ACSM3: variants seen among roughly 807,000 people sequenced by gnomAD.
ACSM3 encodes the protein acyl-coenzyme A synthetase ACSM3, mitochondrial.
Under a neutral mutation model 74.1 loss-of-function variants are expected in ACSM3, and 61 were observed. The ratio of observed to expected loss-of-function variants is 0.82; its 90% CI spans 0.67 to 1.02. The LOEUF (loss-of-function observed/expected upper bound fraction) is 1.02. Ranked by LOEUF, ACSM3 falls within the 50% of genes least tolerant of loss-of-function variation. The pLI, the probability that ACSM3 is intolerant of heterozygous loss-of-function variation, is 0.00. For synonymous variants in ACSM3, 213 were observed against 241.5 expected, an observed-to-expected ratio of 0.88 and a Z score of 1.09; for missense variants, 660 against 697.0, an observed-to-expected ratio of 0.95 and a Z score of 0.60.
chr16:20,750,533 AG>A (rs2079981582), intron 2 of ACSM3, among the ~76,000 whole-genome samples: 1 of 152,186 alleles, frequency 6.6e-6, no homozygotes, highest in South Asian at 2.1e-4. Flanking sequence ...ACTCAGGCTT[AG>A]GGGAGAGCGG....
intron 12 of ACSM3, among the ~76,000 whole-genome samples, chr16:20,795,556 T>C (rs2080704591): frequency 6.6e-6 from 1 of 152,250 alleles, no homozygotes; most frequent in Non-Finnish European, 1.5e-5. Context: ...AAACGAATCC[T>C]TGAATTTAAT....
intron 1 of ACSM3, among the ~76,000 whole-genome samples, chr16:20,685,689 G>C (rs576355080): frequency 6.6e-6 from 1 of 151,822 alleles, no homozygotes; most frequent in Non-Finnish European, 1.5e-5. Context: ...GCATGGTGGT[G>C]CATGCCTGTA....
At chr16:20,777,101 CCTT>C (rs1457794927) in intron 3 of ACSM3, among the ~76,000 whole-genome samples, 1 of 152,136 alleles carries the variant, frequency 6.6e-6, no homozygotes, top group African/African-American at 2.4e-5. Flanking sequence ...TCAATCAAAA[CCTT>C]CTTCAAGCTC....
intron 10 of ACSM3, among the ~76,000 whole-genome samples, chr16:20,791,240 TTA>T (rs2080590207): frequency 6.6e-6 from 1 of 152,228 alleles, no homozygotes; most frequent in Non-Finnish European, 1.5e-5. Context: ...TTGTTTTTTC[TTA>T]TGTCAGACTT....
At chr16:20,727,256 T>C (rs578142802) in intron 1 of ACSM3, 2 of 473,672 alleles carry the variant, frequency 4.2e-6, no homozygotes, top group East Asian at 6.0e-5. Context: ...CTAGCTTCTA[T>C]GCTTGCTGCT....
chr16:20,705,760 GA>G (rs1401625086), intron 1 of ACSM3, among the ~76,000 whole-genome samples: 1 of 152,016 alleles, frequency 6.6e-6, no homozygotes, highest in African/African-American at 2.4e-5. Flanking sequence ...CATCAATGAA[GA>G]AAACTAAAGA....
rs140408301 is a variant in ACSM3 at position 20,718,151 on chromosome 16, T to C, written c.-189-31759T>C. The stretch of plus-strand genomic sequence containing the variant: ...AGAAAAGGAGAAGGAGAAGGAGAAC[T>C]GTAAAATTTTAGCAGAGACTGATCT... On this transcript the variant is annotated intron_variant, in intron 1 of 3. Coordinates refer to the ACSM3 transcript ENST00000561584. Among the ~76,000 whole-genome samples the C allele has an allele frequency of 1.3e-3, 204 of 152,208 alleles. 1 individual carries two copies. Among genetic ancestry groups the C allele is most frequent in the African/African-American group, 4.7e-3 (196 of 41,548 alleles).
chr16:20,734,497 C>T (rs1195139217), intron 1 of ACSM3: 1 of 152,080 alleles, frequency 6.6e-6, no homozygotes, highest in African/African-American at 2.4e-5. Context: ...GAACCACCAG[C>T]TAGGAGGATA....
chr16:20,781,563 C>T (rs540385509), intron 6 of ACSM3, 145 bp from the exon 7 acceptor site: 1 of 721,618 alleles, frequency 1.4e-6, no homozygotes, highest in South Asian at 1.6e-5. Flanking sequence ...ATCCTGCAGA[C>T]ACTGAGGGAT....
intron 1 of ACSM3, chr16:20,738,618 T>C (rs1445579052): frequency 5.2e-6 from 2 of 388,046 alleles, no homozygotes; most frequent in South Asian, 4.2e-5. Flanking sequence ...TGGAGCTGAG[T>C]AGCAGCTGCC....
At chr16:20,795,489 C>G (rs1036127149) in intron 12 of ACSM3, among the ~76,000 whole-genome samples, 11 of 152,202 alleles carry the variant, frequency 7.2e-5, no homozygotes, top group African/African-American at 2.4e-4. Context: ...TCAATGAAAT[C>G]TTTACTCCCA....
Position 20,741,996 on chromosome 16 carries a change from A to G in ACSM3, c.-189-7914A>G, listed in dbSNP as rs1179061332. On this transcript the variant is annotated intron_variant, in intron 1 of 3. Coordinates refer to the ACSM3 transcript ENST00000561584. The stretch of plus-strand genomic sequence containing the variant: ...ATCCAGTAGAGGCAGCATAGCAGCC[A>G]TTCTGGAAGTGGTGTCGGTGGCTCC... The G allele has an allele frequency of 5.3e-6, 8 of 1,502,100 alleles. No individual in the cohort carries two copies. In the Admixed American group the frequency reaches 8.1e-5, roughly 15 times the overall value. 93.0% of individuals were successfully genotyped at this position (1,502,100 alleles called of 1,614,324 possible).
chr16:20,781,856 C>G, intron 7 of ACSM3, 69 bp downstream of exon 7: 1 of 1,241,782 alleles, frequency 8.1e-7, no homozygotes, highest in Non-Finnish European at 1.2e-6. Flanking sequence ...AATAAAAGAT[C>G]TTTCTGCCTG....
rs765370178 is a variant in ACSM3, at chr16:20,786,117, C to T, written c.1183C>T (p.Pro395Ser). 1.9e-6 allele frequency: 3 copies of T among 1,603,232 alleles called. No individual in the cohort carries two copies. Among genetic ancestry groups the T allele is most frequent in the Admixed American group, 3.5e-5 (2 of 57,658 alleles). ...AAATTTTAAGGGAATGAAAATTAAACCTGGCTCAATGGGAAAACCTTCTCC... is the reference window on the plus strand; with the variant it reads ...AAATTTTAAGGGAATGAAAATTAAATCTGGCTCAATGGGAAAACCTTCTCC... Reference protein sequence around the residue: ...CGNFKGMKIKPGSMGKPSPAF... With the variant: ...CGNFKGMKIKSGSMGKPSPAF... Residue 395 changes from proline to serine, a missense_variant, in exon 9 of 14, where the codon CCT becomes TCT. Transcript: ENST00000289416.
At chr16:20,789,588 A>C in intron 9 of ACSM3, 1 of 1,468,612 alleles carries the variant, frequency 6.8e-7, no homozygotes, top group Non-Finnish European at 9.5e-7. Flanking sequence ...AGTAATGAAG[A>C]TATTTATTTA....
intron 4 of ACSM3, among the ~76,000 whole-genome samples, chr16:20,779,600 ATAGAAGTCTGAT>A (rs1204067025): frequency 2.0e-5 from 3 of 152,042 alleles, no homozygotes; most frequent in African/African-American, 7.2e-5. Flanking sequence ...TGTGACTTGT[ATAGAAGTCTGAT>A]TATCCTTTGG....
At chr16:20,701,632 G>A (rs546073015) in intron 1 of ACSM3, among the ~76,000 whole-genome samples, 32 of 152,192 alleles carry the variant, frequency 2.1e-4, no homozygotes, top group South Asian at 1.5e-3. Flanking sequence ...CTATCAATCC[G>A]TCATCTAGGT....
chr16:20,682,330 G>A (rs575305554), intron 1 of ACSM3: 199 of 1,613,894 alleles, frequency 1.2e-4, no homozygotes, highest in Admixed American at 2.7e-4. Flanking sequence ...TCAGAGAGGG[G>A]CACTGAGAAG....
chr16:20,754,864 TC>T lies in ACSM3; in HGVS notation c.-95-708del, dbSNP rs1174809112. 3.9e-5 allele frequency among the ~76,000 whole-genome samples: 6 copies of T among 152,250 alleles called. No individual in the cohort carries two copies. In the East Asian group the frequency reaches 1.2e-3, roughly 29 times the overall value. ...GGTGGAGGGAGAGCAGTACAAAGAA[TC>T]TGAATGGCACAGAGAATCCAAGCTG... On this transcript the variant is annotated intron_variant, in intron 2 of 3. Transcript: ENST00000561584.
Sources: allele counts gnomAD v4.1 joint callset (sites outside exome capture counted in the v4.1 genomes callset), GRCh38; gene constraint gnomAD v4.1.1; transcripts MANE v1.5; gene names NCBI Gene and HGNC (gene_info 2026-07-23, HGNC 2026-07-21).